Variants in SPIDR observed in about 807,000 individuals in gnomAD.
SPIDR encodes the protein scaffold protein involved in DNA repair.
Under a neutral mutation model 104.6 loss-of-function variants are expected in SPIDR, and 93 were observed. The ratio of observed to expected loss-of-function variants is 0.89; its 90% CI spans 0.75 to 1.06. The LOEUF (loss-of-function observed/expected upper bound fraction) is 1.06. SPIDR is among the 50% of genes least tolerant of loss of function. The pLI, the probability that SPIDR is intolerant of heterozygous loss-of-function variation, is 0.00. For missense variants in SPIDR, 1,154 were observed against 1,111.2 expected, an observed-to-expected ratio of 1.04 and a Z score of -0.55; for synonymous variants, 431 against 416.9, an observed-to-expected ratio of 1.03 and a Z score of -0.41.
intron 5 of SPIDR, among the ~76,000 whole-genome samples, chr8:47,384,164 A>G (rs1554646926): frequency 6.6e-6 from 1 of 152,206 alleles, no homozygotes; most frequent in African/African-American, 2.4e-5. Flanking sequence ...TTGTTGAATT[A>G]ATTAGTGAAT....
At chr8:47,551,122 A>T (rs902573358) in intron 8 of SPIDR, among the ~76,000 whole-genome samples, 6 of 152,190 alleles carry the variant, frequency 3.9e-5, no homozygotes, top group African/African-American at 1.4e-4. Context: ...GATGAAGCCA[A>T]CTTGCTCGTG....
Position 47,654,899 on chromosome 8 carries a change from C to T in SPIDR, c.1545-18902C>T, listed in dbSNP as rs191389318. Among the ~76,000 whole-genome samples, 1,409 of 152,058 alleles carry T rather than the reference C, an allele frequency of 9.3e-3. 10 individuals carry two copies. Among genetic ancestry groups the T allele is most frequent in the Middle Eastern group, 0.034 (10 of 294 alleles). On this transcript the variant is annotated intron_variant, in intron 10 of 19. Transcript: ENST00000297423. ...CCCTCCTCCCACCCCACAACAGGCCCCGGTGTGTCATGTTCCCCTTCCTGT... is the reference window on the plus strand; with the variant it reads ...CCCTCCTCCCACCCCACAACAGGCCTCGGTGTGTCATGTTCCCCTTCCTGT...
chr8:47,731,372 T>A (rs2085204908), intron 19 of SPIDR, among the ~76,000 whole-genome samples: 1 of 152,212 alleles, frequency 6.6e-6, no homozygotes, highest in Non-Finnish European at 1.5e-5. Flanking sequence ...ACACAGGGAC[T>A]GATGCTGAGG....
chr8:47,493,377 C>T (rs1384601909), intron 8 of SPIDR, among the ~76,000 whole-genome samples: 1 of 152,040 alleles, frequency 6.6e-6, no homozygotes, highest in Non-Finnish European at 1.5e-5. Flanking sequence ...ATATATTAAA[C>T]AGGTTTTAAA....
intron 8 of SPIDR, among the ~76,000 whole-genome samples, chr8:47,479,566 G>A (rs1191187533): frequency 6.6e-6 from 1 of 152,096 alleles, no homozygotes; most frequent in East Asian, 1.9e-4. Flanking sequence ...CAAGTAAAGT[G>A]GGGCAGTAGG....
intron 8 of SPIDR, among the ~76,000 whole-genome samples, chr8:47,509,647 A>G (rs984269315): frequency 6.6e-5 from 10 of 152,162 alleles, no homozygotes; most frequent in African/African-American, 2.4e-4. Flanking sequence ...CTACTTTCAC[A>G]TTTATTTTCT....
chr8:47,735,249 T>C, intron 19 of SPIDR, 58 bp from the exon 20 acceptor site: 4 of 1,560,870 alleles, frequency 2.6e-6, no homozygotes, highest in Non-Finnish European at 3.5e-6. Context: ...TTCCGTGTTG[T>C]TGGGAACAGT....
At chr8:47,623,441 C>A (rs1019094865) in intron 10 of SPIDR, among the ~76,000 whole-genome samples, 5 of 152,126 alleles carry the variant, frequency 3.3e-5, no homozygotes, top group African/African-American at 1.2e-4. Context: ...CACAGACTGG[C>A]AAATTGGATA....
Position 47,510,948 on chromosome 8 carries a change from AG to A in SPIDR, c.1097+70411del, listed in dbSNP as rs1283821869. The A allele has an allele frequency of 4.8e-6, 3 of 621,354 alleles. No individual in the cohort carries two copies. The African/African-American group carries it at 5.5e-5, about 11-fold the overall frequency. 38.5% of individuals were successfully genotyped at this position (621,354 alleles called of 1,614,324 possible). A position where few individuals can be genotyped will look rare whatever the true frequency, so the allele number is the denominator to read the frequency against. On this transcript the variant is annotated intron_variant, in intron 8 of 19. Coordinates refer to ENST00000297423, the MANE Select transcript of SPIDR (RefSeq NM_001080394.4). ...TCACACTGGACTACTGGTGTGTACA[AG>A]GGGGCAGGAGGGATGATCCCCATGG...
At chr8:47,577,405 C>A (rs757592113) in intron 8 of SPIDR, among the ~76,000 whole-genome samples, 1 of 152,208 alleles carries the variant, frequency 6.6e-6, no homozygotes, top group Non-Finnish European at 1.5e-5. Context: ...GTAGCTGTTT[C>A]ATCAGCCAAA....
intron 7 of SPIDR, among the ~76,000 whole-genome samples, chr8:47,408,940 C>T (rs1251061416): frequency 1.3e-5 from 2 of 152,224 alleles, no homozygotes; most frequent in Non-Finnish European, 2.9e-5. Context: ...GTAATCCCAG[C>T]ACTTTAGGAG....
At chr8:47,438,412 T>G (rs188859663) in intron 7 of SPIDR, among the ~76,000 whole-genome samples, 1 of 152,356 alleles carries the variant, frequency 6.6e-6, no homozygotes, top group Admixed American at 6.5e-5. Context: ...AAGACTCTAA[T>G]TCTGTACACA....
At chr8:47,392,156 G>A (rs1554652605) in intron 5 of SPIDR, among the ~76,000 whole-genome samples, 1 of 152,104 alleles carries the variant, frequency 6.6e-6, no homozygotes, top group African/African-American at 2.4e-5. Flanking sequence ...TTATATGTTA[G>A]CATTTATTAC....
chr8:47,551,626 T>A (rs2090498833), intron 8 of SPIDR, among the ~76,000 whole-genome samples: 1 of 152,198 alleles, frequency 6.6e-6, no homozygotes, highest in African/African-American at 2.4e-5. Flanking sequence ...ATCCTTTTTA[T>A]TATTTTTTAT....
chr8:47,577,528 C>T (rs1157060933), intron 8 of SPIDR, among the ~76,000 whole-genome samples: 3 of 152,202 alleles, frequency 2.0e-5, no homozygotes, highest in South Asian at 2.1e-4. Context: ...GGTGGCCCAC[C>T]GTATTGGTGG....
intron 5 of SPIDR, among the ~76,000 whole-genome samples, chr8:47,374,928 G>T (rs1285137656): frequency 2.0e-5 from 3 of 151,946 alleles, no homozygotes; most frequent in Non-Finnish European, 4.4e-5. Flanking sequence ...TGGTGGCGGA[G>T]ACCTGTAGTC....
At chr8:47,459,272 GTT>G (rs1318294391) in intron 8 of SPIDR, among the ~76,000 whole-genome samples, 1 of 151,798 alleles carries the variant, frequency 6.6e-6, no homozygotes, top group Non-Finnish European at 1.5e-5. Flanking sequence ...GGTCCTGGAA[GTT>G]TTTTTTCTTG....
At chr8:47,659,652 C>T in intron 10 of SPIDR, 2 of 946,380 alleles carry the variant, frequency 2.1e-6, no homozygotes, top group Non-Finnish European at 2.5e-6. Flanking sequence ...TCTGGCCCTT[C>T]TCGCCCCCGC....
intron 8 of SPIDR, among the ~76,000 whole-genome samples, chr8:47,579,726 CCCCCAA>C (rs1249530612): frequency 6.6e-6 from 1 of 152,118 alleles, no homozygotes; most frequent in Non-Finnish European, 1.5e-5. Context: ...ACCATCCCCA[CCCCCAA>C]CCCAATTTCA....
Sources: allele counts gnomAD v4.1 joint callset (sites outside exome capture counted in the v4.1 genomes callset), GRCh38; gene constraint gnomAD v4.1.1; transcripts MANE v1.5; gene names NCBI Gene and HGNC (gene_info 2026-07-23, HGNC 2026-07-21).